The following PAGE1 variants were observed in gnomAD, a reference collection of about 807,000 sequenced individuals.
PAGE1 encodes the protein P antigen family member 1.
Under a neutral mutation model 11.5 loss-of-function variants are expected in PAGE1, and 6 were observed. The ratio of observed to expected loss-of-function variants is 0.52; its 90% CI spans 0.29 to 1.03. PAGE1 has a LOEUF of 1.03. PAGE1 is among the 50% of genes least tolerant of loss of function. The probability of loss-of-function intolerance (pLI) is 0.09; values close to 1 mark genes in which losing one functional copy is unlikely to be tolerated. For missense variants in PAGE1, 120 were observed against 110.2 expected (o/e 1.09, Z -0.40); for synonymous variants, 42 against 40.2 (o/e 1.05, Z -0.17).
rs375937227 is a variant in PAGE1, at chrX:49,692,627, G to GTT, written c.167-1255_167-1254dup. The stretch of plus-strand genomic sequence containing the variant: ...TACACTGAACTTTAGGAAGACAGAA[G>GTT]TTTTTTTTTAATTGTGTTAAAAAAT... On this transcript the variant is annotated intron_variant, in intron 3 of 5. Coordinates refer to ENST00000376150, the MANE Select transcript of PAGE1 (RefSeq NM_003785.4). Among the ~76,000 whole-genome samples, 735 of 105,947 alleles carry GTT rather than the reference G, an allele frequency of 6.9e-3. 9 individuals are homozygous for GTT. The highest frequency in any genetic ancestry group is 0.067 in the East Asian group (229 of 3,421). 92.0% of individuals were successfully genotyped at this position (105,947 alleles called of 115,157 possible). A position where few individuals can be genotyped will look rare whatever the true frequency, so the allele number is the denominator to read the frequency against.
intron 3 of PAGE1, among the ~76,000 whole-genome samples, chrX:49,692,308 A>C (rs2066923375): frequency 9.0e-6 from 1 of 111,651 alleles, no homozygotes; most frequent in Non-Finnish European, 1.9e-5. Flanking sequence ...TGTTCTGAGG[A>C]TATATAAACA....
intron 3 of PAGE1, 81 bp downstream of exon 3, chrX:49,694,018 T>TGA: frequency 4.7e-6 from 2 of 423,296 alleles, no homozygotes; most frequent in Non-Finnish European, 7.7e-6. Flanking sequence ...TGACAATGCA[T>TGA]GAGACACACA....
At chrX:49,687,639 A>G (rs1417828193) in intron 5 of PAGE1, 76 bp from the exon 6 acceptor site, 20 of 961,038 alleles carry the variant, frequency 2.1e-5, no homozygotes, top group Non-Finnish European at 2.8e-5. Flanking sequence ...CACACAAAGG[A>G]CACTACAATT....
chrX:49,691,495 T>C (rs2066920401), intron 3 of PAGE1, 121 bp from the exon 4 acceptor site: 4 of 544,055 alleles, frequency 7.4e-6, no homozygotes, highest in Non-Finnish European at 8.2e-6. Flanking sequence ...AATAAATGTG[T>C]TGATAAGAAT....
chrX:49,692,783 A>ATTTATTTAT (rs782400173), intron 3 of PAGE1, among the ~76,000 whole-genome samples: 1 of 109,592 alleles, frequency 9.1e-6, no homozygotes, highest in African/African-American at 3.4e-5. Context: ...CGAAACATTT[A>ATTTATTTAT]TTATTTATTT....
intron 1 of PAGE1, 143 bp from the exon 2 acceptor site, chrX:49,694,921 G>A: frequency 2.5e-6 from 1 of 401,303 alleles, no homozygotes; most frequent in East Asian, 4.1e-5. Flanking sequence ...AAGTGTGTAC[G>A]TTTTCTGAGT....
Position 49,691,246 on chromosome X carries a change from T to C in PAGE1, c.292+3A>G. 8.3e-7 allele frequency: 1 copy of C among 1,209,517 alleles called. No homozygotes were observed. Among genetic ancestry groups the C allele is most frequent in the South Asian group, 1.8e-5 (1 of 56,474 alleles). ...CAATTTGCATGCTTAATGGACTACC[T>C]ACCTTCTGCGGGCAGTTTCATCTGC... On this transcript the variant is annotated splice_donor_region_variant and intron_variant, in intron 4 of 5. Transcript: ENST00000376150.
At chrX:49,694,351 T>C in intron 2 of PAGE1, 150 bp from the exon 3 acceptor site, 1 of 427,780 alleles carries the variant, frequency 2.3e-6, no homozygotes, top group Non-Finnish European at 4.1e-6. Flanking sequence ...CTTTATTCTA[T>C]ATGGTTAATA....
At position 49,695,905 on chromosome X, in the gene PAGE1, C is replaced by G. The variant is rs1048330176; in HGVS notation, c.-45G>C. ...TGGGAGGACTGGCCTGCGGATCTAC[C>G]AGATGAGTCTCAGTAGAGGAAAAAA... is the stretch of plus-strand genomic sequence containing the variant. On this transcript the variant is annotated 5_prime_UTR_variant, in exon 1 of 6. Transcript: ENST00000376150. 1 of 112,516 alleles carries G rather than the reference C, an allele frequency of 8.9e-6. No homozygotes were observed. 9.3% of individuals were successfully genotyped at this position (112,516 alleles called of 1,213,427 possible).
chrX:49,692,265 G>T (rs782675935), intron 3 of PAGE1, among the ~76,000 whole-genome samples: 1 of 112,398 alleles, frequency 8.9e-6, no homozygotes, highest in African/African-American at 3.2e-5. Flanking sequence ...TTTGATCATT[G>T]TGCAGTGATT....
intron 3 of PAGE1, among the ~76,000 whole-genome samples, chrX:49,692,655 A>G (rs1364640929): frequency 9.0e-6 from 1 of 111,407 alleles, no homozygotes; most frequent in African/African-American, 3.3e-5. Flanking sequence ...TAAAAAATAC[A>G]CATAACATAA....
intron 3 of PAGE1, among the ~76,000 whole-genome samples, chrX:49,693,295 G>A (rs2066927638): frequency 8.9e-6 from 1 of 111,780 alleles, no homozygotes; most frequent in South Asian, 3.8e-4. Context: ...ACTGTCTCAC[G>A]CTGAGAACAA....
At chrX:49,692,622 C>G (rs201256148) in intron 3 of PAGE1, among the ~76,000 whole-genome samples, 320 of 6,209 alleles carry the variant, frequency 0.052, 6 homozygotes, top group East Asian at 0.35. Context: ...TTTAGGAAGA[C>G]AGAAGTTTTT....
intron 5 of PAGE1, among the ~76,000 whole-genome samples, chrX:49,688,739 C>A (rs1005735088): frequency 1.8e-5 from 2 of 111,929 alleles, no homozygotes; most frequent in African/African-American, 6.5e-5. Context: ...CAGAATCTCA[C>A]CAATGCTGTA....
chrX:49,689,835 TGTGTGTATATACACACATATATAG>T (rs1285482712), intron 4 of PAGE1, among the ~76,000 whole-genome samples: 4 of 61,692 alleles, frequency 6.5e-5, no homozygotes, highest in African/African-American at 2.3e-4. Context: ...TGTGTATATA[TGTGTGTATATACACACATATATAG>T]GTGTGTATAT....
chrX:49,694,021 GACACACACACACACAC>G (rs565227923), intron 3 of PAGE1, 62 bp downstream of exon 3: 25 of 363,517 alleles, frequency 6.9e-5, no homozygotes, highest in African/African-American at 1.2e-4. Context: ...CAATGCATGA[GACACACACACACACAC>G]ACACACACAC....
chrX:49,695,109 G>A (rs1309113511), intron 1 of PAGE1, among the ~76,000 whole-genome samples: 4 of 112,893 alleles, frequency 3.5e-5, no homozygotes, highest in African/African-American at 9.6e-5. Context: ...CCGCTCACGC[G>A]ATCCTCCTGC....
At chrX:49,688,558 T>C (rs1330376726) in intron 5 of PAGE1, among the ~76,000 whole-genome samples, 4 of 112,200 alleles carry the variant, frequency 3.6e-5, no homozygotes, top group Admixed American at 1.9e-4. Context: ...CAGGGTTTCA[T>C]GATTTATGAT....
At position 49,694,534 on chromosome X, in the gene PAGE1, C is replaced by A. The variant is rs967840444; in HGVS notation, c.63+174G>T. Among the ~76,000 whole-genome samples the A allele has an allele frequency of 4.5e-5, 5 of 111,247 alleles. No homozygotes were observed. In the Admixed American group the frequency reaches 4.8e-4, roughly 11 times the overall value. ...GAGAACACAAGAGAAAAAAAAAATCCTCCTGAATCAATATTTCCTTCATGA... is the reference window on the plus strand; with the variant it reads ...GAGAACACAAGAGAAAAAAAAAATCATCCTGAATCAATATTTCCTTCATGA... On this transcript the variant is annotated intron_variant, in intron 2 of 5. Transcript: ENST00000376150.
Sources: gnomAD v4.1 joint callset for allele counts (sites outside exome capture counted in the v4.1 genomes callset) on GRCh38, gnomAD v4.1.1 for gene constraint, MANE v1.5 for transcripts, NCBI Gene and HGNC (gene_info 2026-07-23, HGNC 2026-07-21) for gene names.